The following SMCO4 variants were observed in gnomAD, a reference collection of about 807,000 sequenced individuals.
SMCO4 encodes single-pass membrane protein with coiled-coil domains 4.
SMCO4 carries 4 observed loss-of-function variants against 3.6 expected under a neutral mutation model. The observed-to-expected ratio is 1.11, with a 90% CI of 0.54 to 2.53. SMCO4 has a LOEUF of 2.53. Ranked by LOEUF, SMCO4 falls within the 30% of genes most tolerant of loss-of-function variation. The probability of loss-of-function intolerance (pLI) is 0.02; values close to 1 mark genes in which losing one functional copy is unlikely to be tolerated. For synonymous variants in SMCO4, 36 were observed against 35.3 expected (o/e 1.02, Z -0.07); for missense variants, 70 against 80.8 (o/e 0.87, Z 0.51).
chr11:93,509,634 G>A (rs900756301), intron 1 of SMCO4, among the ~76,000 whole-genome samples: 24 of 152,158 alleles, frequency 1.6e-4, no homozygotes, highest in African/African-American at 4.3e-4. Flanking sequence ...AGACTACTGC[G>A]TCATAATAAA....
At chr11:93,538,221 G>A (rs1001150442) in intron 1 of SMCO4, among the ~76,000 whole-genome samples, 5 of 152,180 alleles carry the variant, frequency 3.3e-5, no homozygotes, top group African/African-American at 4.8e-5. Flanking sequence ...GACTGCACCC[G>A]TCAGAGGAGG....
At chr11:93,489,479 T>C (rs1429255550) in intron 2 of SMCO4, among the ~76,000 whole-genome samples, 2 of 150,900 alleles carry the variant, frequency 1.3e-5, no homozygotes, top group Non-Finnish European at 3.0e-5. Context: ...ATGGGAGGAG[T>C]GGCATGACCT....
At chr11:93,481,697 G>A (rs527959656) in intron 2 of SMCO4, among the ~76,000 whole-genome samples, 2 of 152,352 alleles carry the variant, frequency 1.3e-5, no homozygotes, top group South Asian at 4.1e-4. Context: ...CCTGTTCAAA[G>A]CTGCAAATGG....
chr11:93,505,734 C>G (rs1325312344), intron 1 of SMCO4, among the ~76,000 whole-genome samples: 1 of 152,016 alleles, frequency 6.6e-6, no homozygotes, highest in Non-Finnish European at 1.5e-5. Flanking sequence ...TCTAGCTGAC[C>G]ACAGATGCCC....
chr11:93,498,108 C>G lies in SMCO4; in HGVS notation c.-81+1168G>C, dbSNP rs148847254. ...ACATATTAAAAGCCTCACACTGAAG[C>G]CCAATACACGTCAAACCCAGACAAC... On this transcript the variant is annotated intron_variant, in intron 2 of 2. Coordinates refer to ENST00000298966, the MANE Select transcript of SMCO4 (RefSeq NM_020179.3). 1.4e-4 allele frequency among the ~76,000 whole-genome samples: 21 copies of G among 152,212 alleles called. 1 individual carries two copies. The East Asian group carries it at 4.1e-3, about 29-fold the overall frequency.
At chr11:93,502,233 G>A (rs1948847484) in intron 1 of SMCO4, among the ~76,000 whole-genome samples, 1 of 152,052 alleles carries the variant, frequency 6.6e-6, no homozygotes, top group African/African-American at 2.4e-5. Flanking sequence ...AGTTTTAAAT[G>A]TTCACATTTG....
At chr11:93,509,601 CTG>C (rs1314179356) in intron 1 of SMCO4, among the ~76,000 whole-genome samples, 4 of 152,212 alleles carry the variant, frequency 2.6e-5, no homozygotes, top group African/African-American at 9.6e-5. Flanking sequence ...GATAAAGAAA[CTG>C]TGCTATACAT....
At chr11:93,537,086 C>T (rs115798485) in intron 1 of SMCO4, among the ~76,000 whole-genome samples, 2 of 152,226 alleles carry the variant, frequency 1.3e-5, no homozygotes, top group Non-Finnish European at 2.9e-5. Flanking sequence ...GGCCTTCCTC[C>T]CTCTCATCCC....
intron 1 of SMCO4, among the ~76,000 whole-genome samples, chr11:93,534,279 C>CAT (rs1164931897): frequency 7.0e-6 from 1 of 142,620 alleles, no homozygotes; most frequent in Non-Finnish European, 1.5e-5. Context: ...TATATATATA[C>CAT]ATATATACAC....
intron 2 of SMCO4, among the ~76,000 whole-genome samples, chr11:93,489,351 T>C (rs1948687475): frequency 2.0e-5 from 3 of 152,182 alleles, no homozygotes; most frequent in Admixed American, 6.5e-5. Flanking sequence ...AAAATAATTA[T>C]GTATGAAAAA....
At chr11:93,549,803 A>C in the SMCO4 span, among the ~76,000 whole-genome samples, 1 of 152,106 alleles carries the variant, frequency 6.6e-6, no homozygotes, top group African/African-American at 2.4e-5. Context: ...GAAAACTACC[A>C]GCTTCTTGGA....
In SMCO4 at chr11:93,504,311, T is replaced by C. The variant is rs537082078; in HGVS notation, c.-153-4963A>G. Among the ~76,000 whole-genome samples, 4 of 152,370 alleles carry C rather than the reference T, an allele frequency of 2.6e-5. No individual in the cohort carries two copies. In the South Asian group the frequency reaches 8.3e-4, roughly 32 times the overall value. ...AAATGACTCCACTCAACCCTTGGTC[T>C]CTTGAAAGCCTGTTGGTTTTCAGAC... On this transcript the variant is annotated intron_variant, in intron 1 of 2. Coordinates refer to ENST00000298966, the MANE Select transcript of SMCO4 (RefSeq NM_020179.3).
intron 1 of SMCO4, among the ~76,000 whole-genome samples, chr11:93,538,560 G>C (rs1415107992): frequency 2.0e-5 from 3 of 152,226 alleles, no homozygotes; most frequent in African/African-American, 7.2e-5. Flanking sequence ...GCACAGGGAA[G>C]GGAAGGCCCT....
intron 1 of SMCO4, among the ~76,000 whole-genome samples, chr11:93,499,924 C>A (rs1389169689): frequency 1.3e-5 from 2 of 152,144 alleles, no homozygotes; most frequent in Non-Finnish European, 2.9e-5. Context: ...CAAATTAACT[C>A]AAAACCTCAG....
chr11:93,551,973 C>T, the SMCO4 span, among the ~76,000 whole-genome samples: 1 of 152,056 alleles, frequency 6.6e-6, no homozygotes, highest in Non-Finnish European at 1.5e-5. Context: ...TCTGAGACTC[C>T]TCAACTCTAA....
rs141474014 is a variant in SMCO4, at chr11:93,504,631, G to T, written c.-153-5283C>A. On this transcript the variant is annotated intron_variant, in intron 1 of 2. Transcript: ENST00000298966. Reference sequence around the variant, plus strand: ...GTCCTGACTCCAAGGCTATTCTGTCGCAAAACCCTCCTGCTATCATCTGCC... The same window carrying T: ...GTCCTGACTCCAAGGCTATTCTGTCTCAAAACCCTCCTGCTATCATCTGCC... Among the ~76,000 whole-genome samples, 434 of 152,254 alleles carry T rather than the reference G, an allele frequency of 2.9e-3. 1 individual carries two copies. Among genetic ancestry groups the T allele is most frequent in the African/African-American group, 0.01 (418 of 41,540 alleles).
intron 1 of SMCO4, among the ~76,000 whole-genome samples, chr11:93,542,133 T>G (rs914528663): frequency 6.8e-6 from 1 of 147,046 alleles, no homozygotes; most frequent in Admixed American, 6.8e-5. Flanking sequence ...AAAGCCAACA[T>G]GAGTCATCTG....
At chr11:93,484,669 TG>T (rs1948627798) in intron 2 of SMCO4, among the ~76,000 whole-genome samples, 1 of 150,540 alleles carries the variant, frequency 6.6e-6, no homozygotes, top group Non-Finnish European at 1.5e-5. Context: ...TACATGAATC[TG>T]GGAAACACCA....
rs940655245 is a variant in SMCO4, at chr11:93,523,732, T to A, written c.-154+19544A>T. 2.6e-5 allele frequency among the ~76,000 whole-genome samples: 4 copies of A among 152,348 alleles called. No homozygotes were observed. In the Middle Eastern group the frequency reaches 0.01, roughly 389 times the overall value. ...TAATTATACAATCAGTGAAAGTGTG[T>A]GTGCTAAAAGTGCTGACACGTCCAA... On this transcript the variant is annotated intron_variant, in intron 1 of 2. Transcript: ENST00000298966.
Sources: gnomAD v4.1 joint callset for allele counts (sites outside exome capture counted in the v4.1 genomes callset) on GRCh38, gnomAD v4.1.1 for gene constraint, MANE v1.5 for transcripts, NCBI Gene and HGNC (gene_info 2026-07-23, HGNC 2026-07-21) for gene names.